The following AGTPBP1 variants were observed in gnomAD, a reference collection of about 807,000 sequenced individuals.
The protein encoded by AGTPBP1 is cytosolic carboxypeptidase 1.
AGTPBP1 carries 70 observed loss-of-function variants against 143.9 expected under a neutral mutation model. That is an observed-to-expected ratio of 0.49 (90% CI 0.40 to 0.59). AGTPBP1 has a LOEUF of 0.59. Among genes scored for constraint, AGTPBP1 ranks in the 20% least tolerant of loss-of-function variants. The pLI is 0.00. For synonymous variants in AGTPBP1, 463 were observed against 500.2 expected (o/e 0.93, Z 0.99); for missense variants, 1,229 against 1,464.5 (o/e 0.84, Z 2.62).
At chr9:85,805,281 C>T in the AGTPBP1 span, 2 of 152,184 alleles carry the variant, frequency 1.3e-5, no homozygotes, top group Admixed American at 6.5e-5. Context: ...GCCCCCGCCC[C>T]GAGGCTCTCA....
At chr9:85,661,625 A>G (rs554739797) in intron 8 of AGTPBP1, among the ~76,000 whole-genome samples, 1 of 152,234 alleles carries the variant, frequency 6.6e-6, no homozygotes, top group East Asian at 1.9e-4. Flanking sequence ...CAAAACTGAA[A>G]GTATTTAAAT....
chr9:85,560,717 A>G (rs997138836), intron 25 of AGTPBP1, among the ~76,000 whole-genome samples: 2 of 152,236 alleles, frequency 1.3e-5, no homozygotes, highest in African/African-American at 4.8e-5. Context: ...GAAAGTTCAG[A>G]TAACACCCAG....
At chr9:85,604,982 G>A (rs986776918) in intron 17 of AGTPBP1, among the ~76,000 whole-genome samples, 11 of 151,950 alleles carry the variant, frequency 7.2e-5, no homozygotes, top group African/African-American at 1.9e-4. Flanking sequence ...CTACAATATC[G>A]AGGCATACTT....
chr9:85,600,835 C>T (rs550836124), intron 17 of AGTPBP1, among the ~76,000 whole-genome samples: 1 of 152,306 alleles, frequency 6.6e-6, no homozygotes, highest in East Asian at 1.9e-4. Flanking sequence ...CAGCCTCTGC[C>T]TCCCCAACCC....
At chr9:85,765,432 G>A in the AGTPBP1 span, among the ~76,000 whole-genome samples, 1 of 151,860 alleles carries the variant, frequency 6.6e-6, no homozygotes, top group Non-Finnish European at 1.5e-5. Flanking sequence ...TCCAATCCCA[G>A]TAAAAGACCT....
intron 25 of AGTPBP1, among the ~76,000 whole-genome samples, chr9:85,559,739 T>G (rs1033031448): frequency 1.3e-5 from 2 of 152,180 alleles, no homozygotes; most frequent in African/African-American, 4.8e-5. Context: ...CACCCACCAG[T>G]GTCATGACAG....
At chr9:85,612,230 C>T (rs1459342050) in intron 17 of AGTPBP1, among the ~76,000 whole-genome samples, 1 of 152,082 alleles carries the variant, frequency 6.6e-6, no homozygotes, top group African/African-American at 2.4e-5. Context: ...GGGGATTGGT[C>T]ACCAAAAAGA....
chr9:85,767,412 A>C, the AGTPBP1 span, among the ~76,000 whole-genome samples: 1 of 148,010 alleles, frequency 6.8e-6, no homozygotes, highest in East Asian at 2.0e-4. Context: ...CAGTGGCGCG[A>C]TCTCAGCTCA....
chr9:85,780,078 A>G, the AGTPBP1 span, among the ~76,000 whole-genome samples: 1 of 152,190 alleles, frequency 6.6e-6, no homozygotes, highest in Admixed American at 6.5e-5. Flanking sequence ...ATACTTAAAC[A>G]AAATTCTACA....
At chr9:85,754,181 C>T in the AGTPBP1 span, among the ~76,000 whole-genome samples, 1 of 152,284 alleles carries the variant, frequency 6.6e-6, no homozygotes, top group South Asian at 2.1e-4. Flanking sequence ...ATTCCCATCT[C>T]ATGAAGACGA....
At chr9:85,666,037 A>G (rs760726786) in intron 8 of AGTPBP1, among the ~76,000 whole-genome samples, 6 of 152,164 alleles carry the variant, frequency 3.9e-5, no homozygotes, top group Non-Finnish European at 7.4e-5. Context: ...AATAATTTAT[A>G]CTTCCTCATA....
chr9:85,550,190 T>TGAGA (rs776074634), intron 25 of AGTPBP1, among the ~76,000 whole-genome samples: 78 of 122,044 alleles, frequency 6.4e-4, no homozygotes, highest in Non-Finnish European at 1.1e-3. Context: ...AGTGTGTGTG[T>TGAGA]GTGTGAGAGA....
the AGTPBP1 span, chr9:85,756,115 G>T: frequency 6.3e-7 from 1 of 1,592,198 alleles, no homozygotes; most frequent in Non-Finnish European, 8.5e-7. Flanking sequence ...AAGAAGTAGA[G>T]AAAGTTCTGA....
chr9:85,656,684 T>G (rs972671786), intron 10 of AGTPBP1, among the ~76,000 whole-genome samples: 9 of 152,096 alleles, frequency 5.9e-5, no homozygotes, highest in African/African-American at 1.9e-4. Flanking sequence ...AGAAAGGATC[T>G]CACTAAATAC....
chr9:85,622,258 G>T (rs1163602450), intron 14 of AGTPBP1, among the ~76,000 whole-genome samples: 1 of 152,198 alleles, frequency 6.6e-6, no homozygotes, highest in Non-Finnish European at 1.5e-5. Flanking sequence ...GGGTGAGAAA[G>T]TGTACCAAAA....
chr9:85,712,035 G>A (rs539034428), intron 2 of AGTPBP1, among the ~76,000 whole-genome samples: 5 of 152,162 alleles, frequency 3.3e-5, no homozygotes, highest in South Asian at 4.1e-4. Context: ...AGGCCAAGGC[G>A]GGTGGATCAC....
At chr9:85,710,643 A>C (rs1339691188) in intron 2 of AGTPBP1, among the ~76,000 whole-genome samples, 2 of 152,084 alleles carry the variant, frequency 1.3e-5, no homozygotes, top group Non-Finnish European at 2.9e-5. Flanking sequence ...CTTTAGACGA[A>C]GACTATTTGC....
chr9:85,615,014 C>T (rs1290946787), intron 17 of AGTPBP1, among the ~76,000 whole-genome samples: 1 of 152,090 alleles, frequency 6.6e-6, no homozygotes, highest in African/African-American at 2.4e-5. Context: ...CTCAGGTATG[C>T]AGTTGTAAAT....
chr9:85,652,655 C>A (rs1833241097), intron 11 of AGTPBP1, among the ~76,000 whole-genome samples: 1 of 152,180 alleles, frequency 6.6e-6, no homozygotes, highest in African/African-American at 2.4e-5. Flanking sequence ...TTCCATTTAG[C>A]AGCTCTCAAA....
Sources: gnomAD v4.1 joint callset for allele counts (sites outside exome capture counted in the v4.1 genomes callset) on GRCh38, gnomAD v4.1.1 for gene constraint, MANE v1.5 for transcripts, NCBI Gene and HGNC (gene_info 2026-07-23, HGNC 2026-07-21) for gene names.